AGO3: variants seen among roughly 807,000 people sequenced by gnomAD.
AGO3 encodes the protein argonaute RISC catalytic component 3, also known as protein argonaute-3.
AGO3 carries 16 observed loss-of-function variants against 105.5 expected under a neutral mutation model. The ratio of observed to expected loss-of-function variants is 0.15; its 90% CI spans 0.10 to 0.23. The LOEUF (loss-of-function observed/expected upper bound fraction) is 0.23. AGO3 is among the 10% of genes least tolerant of loss of function. AGO3 has a pLI of 1.00. For missense variants in AGO3, 534 were observed against 1,088.0 expected (o/e 0.49, Z 7.16); for synonymous variants, 340 against 367.3 (o/e 0.93, Z 0.85).
rs1643052469 is a variant in AGO3, at chr1:36,063,736, T to C, written c.*7991T>C. The C allele has an allele frequency of 6.6e-6, 1 of 152,198 alleles. No homozygotes were observed. Among genetic ancestry groups the C allele is most frequent in the South Asian group, 2.1e-4 (1 of 4,834 alleles). 9.4% of individuals were successfully genotyped at this position (152,198 alleles called of 1,614,324 possible). A position where few individuals can be genotyped will look rare whatever the true frequency, so the allele number is the denominator to read the frequency against. On this transcript the variant is annotated 3_prime_UTR_variant, in exon 19 of 19. Coordinates refer to ENST00000373191, the MANE Select transcript of AGO3 (RefSeq NM_024852.4). The stretch of plus-strand genomic sequence containing the variant: ...GGCAGCAAAAAGCATGATTATAGAA[T>C]ATTAAGTTCAATTATATATAGACAG...
chr1:35,935,199 T>A (rs1454838326), intron 1 of AGO3, among the ~76,000 whole-genome samples: 1 of 152,180 alleles, frequency 6.6e-6, no homozygotes, highest in Non-Finnish European at 1.5e-5. Flanking sequence ...AGAATTTCTC[T>A]TTCAATGAAG....
At chr1:36,000,848 T>C (rs1044487475) in intron 5 of AGO3, among the ~76,000 whole-genome samples, 6 of 150,312 alleles carry the variant, frequency 4.0e-5, no homozygotes, top group South Asian at 2.1e-4. Flanking sequence ...CAGTCTCTCT[T>C]TTTTTTTTAA....
intron 11 of AGO3, among the ~76,000 whole-genome samples, chr1:36,015,896 G>A (rs1640879849): frequency 6.6e-6 from 1 of 152,158 alleles, no homozygotes; most frequent in Non-Finnish European, 1.5e-5. Context: ...ATTTAACAGA[G>A]TTTATAATTG....
chr1:35,975,797 A>G (rs866129050), intron 5 of AGO3, among the ~76,000 whole-genome samples: 50 of 152,156 alleles, frequency 3.3e-4, no homozygotes, highest in African/African-American at 1.1e-3. Context: ...AAATTAAGTT[A>G]GGACAAATTG....
chr1:36,004,365 C>T lies in AGO3; in HGVS notation c.683C>T (p.Ala228Val), dbSNP rs1640244450. The change falls in exon 6 of 19, where the codon GCA becomes GTA. Residue 228 changes from alanine (A) to valine (V), a missense_variant. Physicochemically the swap from Ala to Val is moderately conservative, Grantham distance 64 (BLOSUM62 0). Around this residue, in one of 2 missense-constraint regions of AGO3, gnomAD observed 373 missense variants for 854.0 expected, o/e 0.44. Transcript: ENST00000373191. ...IDVSATAFYK[A>V]QPVIQFMCEV... ...GTTTCTGCCACTGCCTTCTACAAAG[C>T]ACAACCTGTAATTCAGTTCATGTGT... The T allele has an allele frequency of 1.2e-6, 2 of 1,608,370 alleles. No homozygotes were observed. Among genetic ancestry groups the T allele is most frequent in the Non-Finnish European group, 1.7e-6 (2 of 1,176,612 alleles).
chr1:36,005,149 C>A (rs1254438357), intron 6 of AGO3, among the ~76,000 whole-genome samples: 2 of 151,930 alleles, frequency 1.3e-5, no homozygotes, highest in African/African-American at 4.8e-5. Flanking sequence ...TCTGATACTC[C>A]CTAATCAGAA....
intron 1 of AGO3, among the ~76,000 whole-genome samples, chr1:35,933,363 C>T (rs1177574222): frequency 2.0e-5 from 3 of 151,986 alleles, no homozygotes; most frequent in African/African-American, 7.3e-5. Flanking sequence ...ATAATTTAGG[C>T]TGGGTGTGGT....
chr1:35,937,832 TGGA>T (rs1275972405), intron 1 of AGO3, among the ~76,000 whole-genome samples: 1 of 152,158 alleles, frequency 6.6e-6, no homozygotes. Context: ...AATGAAAAAG[TGGA>T]ATTAGCAGGT....
intron 5 of AGO3, among the ~76,000 whole-genome samples, chr1:36,001,791 A>G (rs912057518): frequency 2.0e-5 from 3 of 152,276 alleles, no homozygotes; most frequent in Admixed American, 2.0e-4. Context: ...GAGAGGATGT[A>G]TACATACCTA....
intron 5 of AGO3, among the ~76,000 whole-genome samples, chr1:35,988,670 A>G (rs1476245905): frequency 6.6e-6 from 1 of 150,906 alleles, no homozygotes; most frequent in Non-Finnish European, 1.5e-5. Flanking sequence ...CTTTTTATCC[A>G]TTTGTCTGTC....
At chr1:36,006,757 G>C (rs1019282813) in intron 6 of AGO3, among the ~76,000 whole-genome samples, 2 of 152,088 alleles carry the variant, frequency 1.3e-5, no homozygotes, top group Non-Finnish European at 2.9e-5. Flanking sequence ...ACTACTCACT[G>C]ATTCAAGGAG....
intron 11 of AGO3, among the ~76,000 whole-genome samples, chr1:36,014,771 C>CA (rs58580607): frequency 0.18 from 10,659 of 57,942 alleles, 1,546 homozygotes; most frequent in East Asian, 0.72. Flanking sequence ...ACTCTGTCTC[C>CA]AAAAAAAAAA....
intron 16 of AGO3, 52 bp from the exon 17 acceptor site, chr1:36,043,395 A>G (rs1171630326): frequency 1.6e-5 from 23 of 1,425,452 alleles, no homozygotes; most frequent in Non-Finnish European, 2.2e-5. Context: ...GTGCTTTCAG[A>G]TATATTTTTA....
chr1:35,984,937 A>G (rs972784973), intron 5 of AGO3, among the ~76,000 whole-genome samples: 7 of 151,772 alleles, frequency 4.6e-5, no homozygotes, highest in African/African-American at 1.7e-4. Flanking sequence ...TTATTGAAAG[A>G]TCTAAGAAAA....
chr1:36,015,284 A>G (rs549069866), intron 11 of AGO3, among the ~76,000 whole-genome samples: 4 of 152,328 alleles, frequency 2.6e-5, no homozygotes, highest in Admixed American at 1.3e-4. Context: ...AGGGTGAGGT[A>G]TGGGGACGGA....
At chr1:35,962,178 A>T (rs1646688068) in intron 2 of AGO3, among the ~76,000 whole-genome samples, 1 of 152,160 alleles carries the variant, frequency 6.6e-6, no homozygotes. Context: ...GTGGAAAATT[A>T]TTCCAGTGTT....
intron 12 of AGO3, among the ~76,000 whole-genome samples, chr1:36,029,778 C>G (rs924589307): frequency 1.3e-5 from 2 of 150,956 alleles, no homozygotes; most frequent in African/African-American, 4.9e-5. Context: ...CTGCAACCTC[C>G]ACCTCCCAGG....
intron 5 of AGO3, among the ~76,000 whole-genome samples, chr1:36,001,564 T>A (rs1164011309): frequency 6.6e-6 from 1 of 152,180 alleles, no homozygotes; most frequent in African/African-American, 2.4e-5. Flanking sequence ...TTAATTATCA[T>A]GCACCCACAC....
intron 2 of AGO3, among the ~76,000 whole-genome samples, chr1:35,951,151 A>G (rs879938238): frequency 1.3e-5 from 2 of 152,126 alleles, no homozygotes; most frequent in Admixed American, 6.5e-5. Context: ...GGGTTTCGCC[A>G]TGTTGATCAG....
Sources: allele counts gnomAD v4.1 joint callset (sites outside exome capture counted in the v4.1 genomes callset), GRCh38; gene constraint gnomAD v4.1.1; regional missense constraint gnomAD v4.1.1; transcripts MANE v1.5; gene names NCBI Gene and HGNC (gene_info 2026-07-23, HGNC 2026-07-21).